The following ST18 variants were observed in gnomAD, a reference collection of about 807,000 sequenced individuals.
ST18 encodes the protein suppression of tumorigenicity 18 protein.
In ST18, 50 loss-of-function variants were observed where a neutral mutation model predicts 110.0. That is an observed-to-expected ratio of 0.45 (90% confidence interval 0.36 to 0.58). ST18 has a LOEUF of 0.58. ST18 is among the 20% of genes least tolerant of loss of function. The probability of loss-of-function intolerance (pLI) is 0.00; values close to 1 mark genes in which losing one functional copy is unlikely to be tolerated. For synonymous variants in ST18, 461 were observed against 452.4 expected, an observed-to-expected ratio of 1.02 and a Z score of -0.24; for missense variants, 1,306 against 1,280.1, an observed-to-expected ratio of 1.02 and a Z score of -0.31.
intron 2 of ST18, among the ~76,000 whole-genome samples, chr8:52,325,106 T>C (rs1805698914): frequency 6.6e-6 from 1 of 152,202 alleles, no homozygotes; most frequent in Non-Finnish European, 1.5e-5. Flanking sequence ...ATTTGCAATG[T>C]TCTGAGCAAA....
chr8:52,133,035 A>AT, intron 21 of ST18, 22 bp downstream of exon 21: 1 of 1,611,754 alleles, frequency 6.2e-7, no homozygotes, highest in Non-Finnish European at 8.5e-7. Context: ...GCTGACCCCC[A>AT]TGTCTCAACT....
At chr8:52,374,817 G>T (rs567254039) in intron 2 of ST18, among the ~76,000 whole-genome samples, 2 of 152,254 alleles carry the variant, frequency 1.3e-5, no homozygotes, top group East Asian at 3.9e-4. Flanking sequence ...GTTTGCTGAG[G>T]ATAATGATTT....
At chr8:52,335,895 C>T (rs1811818750) in intron 2 of ST18, among the ~76,000 whole-genome samples, 1 of 152,078 alleles carries the variant, frequency 6.6e-6, no homozygotes, top group Non-Finnish European at 1.5e-5. Flanking sequence ...ACTTCAGAGG[C>T]CTCCCGGTGC....
At chr8:52,342,266 A>C (rs1158082656) in intron 2 of ST18, among the ~76,000 whole-genome samples, 2 of 152,194 alleles carry the variant, frequency 1.3e-5, no homozygotes, top group African/African-American at 4.8e-5. Context: ...AGCCAAAAAG[A>C]AACAAAAAGA....
chr8:52,162,839 A>T (rs2133257606), intron 13 of ST18, among the ~76,000 whole-genome samples: 1 of 152,286 alleles, frequency 6.6e-6, no homozygotes, highest in Non-Finnish European at 1.5e-5. Flanking sequence ...TTTTCCACCA[A>T]AAACTGTCAA....
chr8:52,249,803 G>A (rs1459510630), intron 2 of ST18, among the ~76,000 whole-genome samples: 3 of 152,018 alleles, frequency 2.0e-5, no homozygotes, highest in Non-Finnish European at 4.4e-5. Flanking sequence ...TGAATTGTCT[G>A]GTTTGCACTG....
chr8:52,337,503 G>T (rs1448781620), intron 2 of ST18, among the ~76,000 whole-genome samples: 1 of 152,182 alleles, frequency 6.6e-6, no homozygotes, highest in Non-Finnish European at 1.5e-5. Context: ...TCCACTATTG[G>T]CTCGAAGGAC....
intron 3 of ST18, 129 bp from the exon 4 acceptor site, chr8:52,221,922 A>C (rs568654842): frequency 6.6e-6 from 1 of 150,564 alleles, no homozygotes; most frequent in Admixed American, 6.6e-5. Context: ...AAAAAAAAAA[A>C]CGGCTTTCTC....
intron 24 of ST18, among the ~76,000 whole-genome samples, chr8:52,117,739 G>A (rs1054909641): frequency 8.5e-5 from 13 of 152,320 alleles, no homozygotes; most frequent in African/African-American, 2.9e-4. Context: ...AAAGACAGTC[G>A]TATGCTCTGT....
At chr8:52,162,670 A>G (rs768979905) in intron 13 of ST18, among the ~76,000 whole-genome samples, 4 of 152,220 alleles carry the variant, frequency 2.6e-5, no homozygotes, top group Non-Finnish European at 5.9e-5. Context: ...TTCTTTTAGA[A>G]TGGTTGTTAT....
chr8:52,359,717 A>G (rs1483998407), intron 2 of ST18, among the ~76,000 whole-genome samples: 1 of 152,170 alleles, frequency 6.6e-6, no homozygotes, highest in Non-Finnish European at 1.5e-5. Flanking sequence ...GACTATGTTC[A>G]TAACTATTAT....
chr8:52,261,635 C>A (rs150840404), intron 2 of ST18, among the ~76,000 whole-genome samples: 1 of 152,174 alleles, frequency 6.6e-6, no homozygotes, highest in African/African-American at 2.4e-5. Flanking sequence ...AACACATCTA[C>A]CCATTCAGGG....
chr8:52,131,619 CATAAT>C (rs1384237813), intron 22 of ST18, among the ~76,000 whole-genome samples: 2 of 152,108 alleles, frequency 1.3e-5, no homozygotes, highest in Non-Finnish European at 1.5e-5. Flanking sequence ...AATTACATAA[CATAAT>C]AGAATAGATA....
intron 8 of ST18, among the ~76,000 whole-genome samples, chr8:52,209,705 G>C (rs1198562151): frequency 6.8e-6 from 1 of 148,028 alleles, no homozygotes; most frequent in Non-Finnish European, 1.5e-5. Context: ...AGGAGGCGGA[G>C]GTTGCAGTGA....
At chr8:52,236,957 C>G (rs2092766167) in intron 2 of ST18, among the ~76,000 whole-genome samples, 1 of 152,202 alleles carries the variant, frequency 6.6e-6, no homozygotes, top group South Asian at 2.1e-4. Flanking sequence ...GTGACACACT[C>G]TGTCTCTCAA....
chr8:52,160,361 C>T (rs561616914), intron 14 of ST18, among the ~76,000 whole-genome samples: 2 of 152,298 alleles, frequency 1.3e-5, no homozygotes, highest in African/African-American at 2.4e-5. Context: ...GTACCTCTCC[C>T]TGATAGGCAA....
chr8:52,237,812 G>A lies in ST18; in HGVS notation c.-464-7735C>T, dbSNP rs550662678. On this transcript the variant is annotated intron_variant, in intron 2 of 25. Coordinates refer to ENST00000689386, the MANE Select transcript of ST18 (RefSeq NM_001352837.2). The stretch of plus-strand genomic sequence containing the variant: ...AAAGGATGCAAAACCATATGCCATA[G>A]TGTAAACAGTTAAAGCCCTTGTATC... Among the ~76,000 whole-genome samples the A allele has an allele frequency of 3.2e-4, 48 of 152,326 alleles. 1 individual carries two copies. The South Asian group carries it at 9.7e-3, about 31-fold the overall frequency.
intron 2 of ST18, among the ~76,000 whole-genome samples, chr8:52,359,269 G>T (rs1590224822): frequency 6.6e-6 from 1 of 152,066 alleles, no homozygotes; most frequent in Non-Finnish European, 1.5e-5. Flanking sequence ...CAACTAAATA[G>T]AGGTGATAGA....
rs192020959 is a variant in ST18, at chr8:52,326,076, A to G, written c.-465+83252T>C. Among the ~76,000 whole-genome samples the G allele has an allele frequency of 2.2e-3, 331 of 152,360 alleles. 1 individual carries two copies. The highest frequency in any genetic ancestry group is 3.8e-3 in the Non-Finnish European group (256 of 68,024). ...TAGTTAACTACAAGTTATAGGTAGAAAAATACAAAGCATAGAGAAAAATTT... is the reference window on the plus strand; with the variant it reads ...TAGTTAACTACAAGTTATAGGTAGAGAAATACAAAGCATAGAGAAAAATTT... On this transcript the variant is annotated intron_variant, in intron 2 of 25. Coordinates refer to ENST00000689386, the MANE Select transcript of ST18 (RefSeq NM_001352837.2).
Sources: gnomAD v4.1 joint callset for allele counts (sites outside exome capture counted in the v4.1 genomes callset) on GRCh38, gnomAD v4.1.1 for gene constraint, MANE v1.5 for transcripts, NCBI Gene and HGNC (gene_info 2026-07-23, HGNC 2026-07-21) for gene names.